The following TPPP variants were observed in gnomAD, a reference collection of about 807,000 sequenced individuals.
TPPP encodes the protein tubulin polymerization-promoting protein.
A neutral mutation model predicts 15.5 loss-of-function variants in TPPP; 6 were observed. That is an observed-to-expected ratio of 0.39 (90% CI 0.21 to 0.77). The LOEUF is 0.77. Ranked by LOEUF, TPPP falls within the 30% of genes least tolerant of loss-of-function variation. The pLI is 0.42. For missense variants in TPPP, 269 were observed against 307.2 expected, an observed-to-expected ratio of 0.88 and a Z score of 0.93; for synonymous variants, 146 against 133.9, an observed-to-expected ratio of 1.09 and a Z score of -0.63.
intron 2 of TPPP, among the ~76,000 whole-genome samples, chr5:675,121 A>AGTGTGGCCAGGGATG (rs1740363864): frequency 4.0e-5 from 1 of 24,802 alleles, no homozygotes; most frequent in African/African-American, 1.9e-4. Context: ...CACGGGGGGT[A>AGTGTGGCCAGGGATG]CAGTGTGGCC....
At chr5:688,347 G>A (rs1410843916) in intron 1 of TPPP, among the ~76,000 whole-genome samples, 1 of 145,392 alleles carries the variant, frequency 6.9e-6, no homozygotes, top group Non-Finnish European at 1.5e-5. Context: ...GCGGCGCTGA[G>A]CACGAGCACC....
intron 2 of TPPP, among the ~76,000 whole-genome samples, chr5:670,830 A>G (rs1233629619): frequency 2.0e-5 from 3 of 152,148 alleles, no homozygotes; most frequent in Admixed American, 6.5e-5. Context: ...GGCCCTGCCT[A>G]TTCTCCCCTC....
At position 669,654 on chromosome 5, in the gene TPPP, C is replaced by T. The variant is rs539905370; in HGVS notation, c.312-3531G>A. On this transcript the variant is annotated intron_variant, in intron 2 of 3. Transcript: ENST00000360578. The stretch of plus-strand genomic sequence containing the variant: ...CCAGGCACCACCAGCATGAGTCACT[C>T]GGCGGGAGGGGGATGGCTGAGGGGC... Among the ~76,000 whole-genome samples the T allele has an allele frequency of 9.2e-5, 14 of 152,232 alleles. No individual in the cohort carries two copies. The East Asian group carries it at 1.2e-3, about 13-fold the overall frequency.
At chr5:697,505 A>G (rs1460526820), upstream of TPPP, among the ~76,000 whole-genome samples, 1 of 152,060 alleles carries the variant, frequency 6.6e-6, no homozygotes. Context: ...AGGGCCGCAG[A>G]GAAGGGAGGA....
rs1488914717 is a variant in TPPP, at chr5:663,693, GCCTGGCCCTGGGCAGCCCTCTGC to G, written c.*1386_*1408del. ...GCCTCGCCACCCTCCTGTACTGTGA[GCCTGGCCCTGGGCAGCCCTCTGC>G]CCTGGCCAGAGCCTGACCGTAGCCA... On this transcript the variant is annotated 3_prime_UTR_variant, in exon 4 of 4. Coordinates refer to ENST00000360578, the MANE Select transcript of TPPP (RefSeq NM_007030.3). 1 of 152,390 alleles carries G rather than the reference GCCTGGCCCTGGGCAGCCCTCTGC, an allele frequency of 6.6e-6. No homozygotes were observed. Among genetic ancestry groups the G allele is most frequent in the Non-Finnish European group, 1.5e-5 (1 of 68,092 alleles). 9.4% of individuals were successfully genotyped at this position (152,390 alleles called of 1,614,324 possible).
At chr5:674,051 C>T (rs1234071616) in intron 2 of TPPP, among the ~76,000 whole-genome samples, 3 of 152,290 alleles carry the variant, frequency 2.0e-5, no homozygotes, top group South Asian at 2.1e-4. Flanking sequence ...TCCGGGCCAG[C>T]GCCAAGGCTG....
intron 3 of TPPP, 176 bp from the exon 4 acceptor site, chr5:665,472 G>A: frequency 1.5e-6 from 1 of 662,362 alleles, no homozygotes; most frequent in Admixed American, 3.0e-5. Context: ...CCCTGGGGCA[G>A]CCTTGGGCCT....
chr5:684,269 GC>G lies in TPPP; in HGVS notation c.-4-6206del, dbSNP rs554657644. On this transcript the variant is annotated intron_variant, in intron 1 of 3. Transcript: ENST00000360578. ...AGGGGATCGGGACCAGGGGGAAGCA[GC>G]CCCCCAGTAAATCCGAAGCACAGGC... Among the ~76,000 whole-genome samples, 50 of 152,346 alleles carry G rather than the reference GC, an allele frequency of 3.3e-4. No individual in the cohort carries two copies. The East Asian group carries it at 8.9e-3, about 27-fold the overall frequency.
intron 2 of TPPP, among the ~76,000 whole-genome samples, chr5:673,951 G>A (rs1740311793): frequency 1.3e-5 from 2 of 152,240 alleles, no homozygotes; most frequent in South Asian, 4.1e-4. Flanking sequence ...GCGTGTGTGT[G>A]CACATGCGGC....
At chr5:670,163 A>G (rs1161341606) in intron 2 of TPPP, among the ~76,000 whole-genome samples, 3 of 152,240 alleles carry the variant, frequency 2.0e-5, no homozygotes, top group African/African-American at 7.2e-5. Context: ...TCAGGCCAGG[A>G]CAGCCCTCCG....
chr5:667,605 C>G (rs1046820406), intron 2 of TPPP, among the ~76,000 whole-genome samples: 38 of 152,068 alleles, frequency 2.5e-4, no homozygotes, highest in Non-Finnish European at 4.7e-4. Context: ...CAGAAGACAC[C>G]GTTAAGGGAA....
intron 1 of TPPP, among the ~76,000 whole-genome samples, chr5:685,524 G>T (rs1740742770): frequency 6.6e-6 from 1 of 152,220 alleles, no homozygotes; most frequent in Admixed American, 6.5e-5. Flanking sequence ...GGTGGGAGGG[G>T]CCCTGCACAA....
the TPPP span, among the ~76,000 whole-genome samples, chr5:699,027 G>A: frequency 6.6e-6 from 1 of 151,874 alleles, no homozygotes; most frequent in South Asian, 2.1e-4. Context: ...GACACAAACA[G>A]AAAAGCATCC....
chr5:686,334 C>A (rs577862852), intron 1 of TPPP, among the ~76,000 whole-genome samples: 1 of 152,238 alleles, frequency 6.6e-6, no homozygotes, highest in Non-Finnish European at 1.5e-5. Flanking sequence ...AGGACACAGC[C>A]GGGGCTCTCA....
At chr5:672,493 C>T (rs901719806) in intron 2 of TPPP, among the ~76,000 whole-genome samples, 2 of 152,264 alleles carry the variant, frequency 1.3e-5, no homozygotes, top group Admixed American at 1.3e-4. Context: ...GCCCAGCCCT[C>T]CTTCCTCTGC....
chr5:675,541 C>T lies in TPPP; in HGVS notation c.311+2209G>A, dbSNP rs571314769. 2.6e-4 allele frequency among the ~76,000 whole-genome samples: 11 copies of T among 42,906 alleles called. No homozygotes were observed. In the East Asian group the frequency reaches 3.3e-3, roughly 13 times the overall value. 28.1% of individuals were successfully genotyped at this position (42,906 alleles called of 152,430 possible). A position where few individuals can be genotyped will look rare whatever the true frequency, so the allele number is the denominator to read the frequency against. On this transcript the variant is annotated intron_variant, in intron 2 of 3. Coordinates refer to ENST00000360578, the MANE Select transcript of TPPP (RefSeq NM_007030.3). ...AGGGGTGCAGTGTGGCCGGGGATGC[C>T]GTGTGGCCGGGGGTGCAGTGTGGCT...
intron 2 of TPPP, among the ~76,000 whole-genome samples, chr5:671,166 G>A (rs554419049): frequency 3.7e-4 from 57 of 152,066 alleles, no homozygotes; most frequent in African/African-American, 1.4e-3. Flanking sequence ...TGGGATCAGC[G>A]CACTGTCTCC....
At chr5:684,106 A>C (rs983710296) in intron 1 of TPPP, among the ~76,000 whole-genome samples, 17 of 152,312 alleles carry the variant, frequency 1.1e-4, no homozygotes, top group Middle Eastern at 3.4e-3. Context: ...CAGATGGCAA[A>C]GCTCCTGAGG....
intron 2 of TPPP, among the ~76,000 whole-genome samples, chr5:672,769 A>G (rs1028830658): frequency 6.6e-6 from 1 of 152,250 alleles, no homozygotes; most frequent in Non-Finnish European, 1.5e-5. Context: ...CTATGCCTCC[A>G]TTAATATTTT....
Sources: gnomAD v4.1 joint callset for allele counts (sites outside exome capture counted in the v4.1 genomes callset) on GRCh38, gnomAD v4.1.1 for gene constraint, MANE v1.5 for transcripts, NCBI Gene and HGNC (gene_info 2026-07-23, HGNC 2026-07-21) for gene names.